SRSF3: variants seen among roughly 807,000 people sequenced by gnomAD.
SRSF3 encodes serine/arginine-rich splicing factor 3.
For synonymous variants in SRSF3, 87 were observed against 73.6 expected (o/e 1.18, Z -0.93); for missense variants, 58 against 217.1 (o/e 0.27, Z 4.61).
In SRSF3 at chr6:36,603,108, C is replaced by A. The variant is rs972850109; in HGVS notation, c.*1119C>A. 4.5e-6 allele frequency: 1 copy of A among 221,276 alleles called. No homozygotes were observed. The highest frequency in any genetic ancestry group is 1.8e-4 in the South Asian group (1 of 5,418). 13.7% of individuals were successfully genotyped at this position (221,276 alleles called of 1,614,324 possible). A position where few individuals can be genotyped will look rare whatever the true frequency, so the allele number is the denominator to read the frequency against. On this transcript the variant is annotated 3_prime_UTR_variant, in exon 6 of 6. Coordinates refer to ENST00000373715, the MANE Select transcript of SRSF3 (RefSeq NM_003017.5). ...TTTTTTTTAGGCATAGAAGCCAGTT[C>A]AGGGTCCATAATATTTAGTGACCAA...
At chr6:36,596,392 G>C (rs1313947271) in intron 1 of SRSF3, among the ~76,000 whole-genome samples, 1 of 151,978 alleles carries the variant, frequency 6.6e-6, no homozygotes, top group African/African-American at 2.4e-5. Flanking sequence ...ATTCTCTTCT[G>C]TTTTTCTAGA....
rs772997620 is a variant in SRSF3 at position 36,604,375 on chromosome 6, C to T, written c.*2386C>T. 2.1e-4 allele frequency: 40 copies of T among 187,940 alleles called. No homozygotes were observed. The highest frequency in any genetic ancestry group is 8.4e-4 in the African/African-American group (36 of 42,974). The allele number at this position is 187,940 out of a possible 1,614,324, so 11.6% of individuals were successfully genotyped here. ...TTCCTAGCACTTTGGGAGGCTAGGG[C>T]GGGTGGGAGGATCTCTTGAAGCCAG... On this transcript the variant is annotated 3_prime_UTR_variant, in exon 6 of 6. Coordinates refer to ENST00000373715, the MANE Select transcript of SRSF3 (RefSeq NM_003017.5).
chr6:36,596,644 T>C (rs56814071), intron 1 of SRSF3, 117 bp from the exon 2 acceptor site: 21,500 of 891,052 alleles, frequency 0.024, 329 homozygotes, highest in African/African-American at 0.04. Flanking sequence ...TAATTTTTTT[T>C]TCTTTACGTG....
rs778664310 is a variant in SRSF3 at position 36,601,201 on chromosome 6, A to C, written c.380+11A>C. The C allele has an allele frequency of 1.9e-6, 3 of 1,610,958 alleles. No individual in the cohort carries two copies. The highest frequency in any genetic ancestry group is 2.5e-6 in the Non-Finnish European group (3 of 1,179,208). ...TCGCAGCCGGAGCAGGTAAATGACT[A>C]CCTTTTTTGGCTACGTTCTTAGAAA... On this transcript the variant is annotated intron_variant, in intron 4 of 5. Coordinates refer to ENST00000373715, the MANE Select transcript of SRSF3 (RefSeq NM_003017.5).
intron 3 of SRSF3, 125 bp from the exon 4 acceptor site, chr6:36,601,027 G>A: frequency 2.9e-5 from 1 of 34,688 alleles, no homozygotes; most frequent in Non-Finnish European, 5.2e-5. Context: ...TTTTTTTTTT[G>A]GACGATGGGT....
chr6:36,597,137 G>A, intron 2 of SRSF3, 169 bp downstream of exon 2: 2 of 607,142 alleles, frequency 3.3e-6, no homozygotes, highest in Non-Finnish European at 2.7e-6. Flanking sequence ...GACGAGTCTT[G>A]CACTGTCACT....
Position 36,601,941 on chromosome 6 carries a change from T to G in SRSF3, c.468-21T>G, listed in dbSNP as rs1237111404. 7.3e-5 allele frequency: 14 copies of G among 192,438 alleles called. No homozygotes were observed. The South Asian group carries it at 7.5e-4, about 10-fold the overall frequency. 11.9% of individuals were successfully genotyped at this position (192,438 alleles called of 1,614,324 possible). A position where few individuals can be genotyped will look rare whatever the true frequency, so the allele number is the denominator to read the frequency against. ...GTTACAGATGTAATGTTTTGTTTTC[T>G]TTTTTTTTTTTTTTTTTTAGTCGAT... On this transcript the variant is annotated intron_variant, in intron 5 of 5. Coordinates refer to ENST00000373715, the MANE Select transcript of SRSF3 (RefSeq NM_003017.5).
chr6:36,599,835 C>T, intron 3 of SRSF3: 1 of 1,352,138 alleles, frequency 7.4e-7, no homozygotes, highest in East Asian at 4.5e-5. Flanking sequence ...ACCATCATGT[C>T]TCTTCTCACC....
At chr6:36,597,126 AG>A in intron 2 of SRSF3, 158 bp downstream of exon 2, 2 of 590,228 alleles carry the variant, frequency 3.4e-6, no homozygotes, top group Admixed American at 8.1e-5. Context: ...TTTGGTGGGG[AG>A]ACGAGTCTTG....
intron 4 of SRSF3, chr6:36,601,488 C>T (rs1405846875): frequency 5.2e-6 from 3 of 572,042 alleles, no homozygotes; most frequent in Non-Finnish European, 9.3e-6. Context: ...GCTTGGACTA[C>T]AGGCAAGTAC....
At chr6:36,595,546 C>T (rs73408323) in intron 1 of SRSF3, among the ~76,000 whole-genome samples, 4,028 of 152,286 alleles carry the variant, frequency 0.026, 62 homozygotes, top group African/African-American at 0.039. Flanking sequence ...ATCTTCCTGT[C>T]TCTCTGAACT....
chr6:36,597,543 C>G lies in SRSF3; in HGVS notation c.206+575C>G, dbSNP rs1164397365. On this transcript the variant is annotated intron_variant, in intron 2 of 5. Coordinates refer to ENST00000373715, the MANE Select transcript of SRSF3 (RefSeq NM_003017.5). ...AGAAAGTGAATCACTTACTATTTCC[C>G]TTTGTGTTAATAGTGTCCTGTTAGC... Among the ~76,000 whole-genome samples the G allele has an allele frequency of 1.3e-5, 2 of 152,028 alleles. 1 individual carries two copies. The highest frequency in any genetic ancestry group is 4.1e-4 in the South Asian group (2 of 4,834).
intron 3 of SRSF3, 66 bp downstream of exon 3, chr6:36,599,049 C>T (rs1778676910): frequency 3.8e-6 from 6 of 1,559,064 alleles, no homozygotes; most frequent in African/African-American, 1.4e-5. Context: ...GCAGGTATTT[C>T]TCTTAAGTTT....
rs182983565 is a variant in SRSF3 at position 36,603,196 on chromosome 6, G to C, written c.*1207G>C. 5.1e-4 allele frequency: 114 copies of C among 224,220 alleles called. No homozygotes were observed. The highest frequency in any genetic ancestry group is 1.7e-3 in the African/African-American group (77 of 44,952). The allele number at this position is 224,220 out of a possible 1,614,324, so 13.9% of individuals were successfully genotyped here. A position where few individuals can be genotyped will look rare whatever the true frequency, so the allele number is the denominator to read the frequency against. On this transcript the variant is annotated 3_prime_UTR_variant, in exon 6 of 6. Coordinates refer to ENST00000373715, the MANE Select transcript of SRSF3 (RefSeq NM_003017.5). ...AAAGTAAGTTGCCCATTAACAAATGGCTTTTATCTTTAGCATGAAAACTTT... is the reference window on the plus strand; with the variant it reads ...AAAGTAAGTTGCCCATTAACAAATGCCTTTTATCTTTAGCATGAAAACTTT...
intron 5 of SRSF3, 65 bp from the exon 6 acceptor site, chr6:36,601,897 G>A (rs1265345687): frequency 4.4e-6 from 7 of 1,573,148 alleles, no homozygotes; most frequent in African/African-American, 4.3e-5. Context: ...ATTTCGATAT[G>A]TCACTAAAGT....
At chr6:36,599,664 A>G (rs1214995477) in intron 3 of SRSF3, 1 of 521,038 alleles carries the variant, frequency 1.9e-6, no homozygotes, top group Admixed American at 2.6e-5. Flanking sequence ...GGAGTTCAAA[A>G]TCTTGCCCCT....
intron 3 of SRSF3, chr6:36,600,830 T>G: frequency 4.6e-6 from 1 of 219,192 alleles, no homozygotes. Flanking sequence ...TGGGACTATA[T>G]TTTGGTGTGG....
intron 3 of SRSF3, 135 bp downstream of exon 3, chr6:36,599,118 T>C: frequency 1.8e-6 from 2 of 1,110,906 alleles, no homozygotes; most frequent in Non-Finnish European, 2.5e-6. Context: ...TTGTTGGGTG[T>C]AATTTGGGGT....
intron 1 of SRSF3, among the ~76,000 whole-genome samples, chr6:36,595,881 C>T (rs1353679612): frequency 6.6e-6 from 1 of 152,060 alleles, no homozygotes; most frequent in East Asian, 1.9e-4. Context: ...TAGCCTTGTT[C>T]CTATAGTTCC....
Sources: allele counts gnomAD v4.1 joint callset (sites outside exome capture counted in the v4.1 genomes callset), GRCh38; gene constraint gnomAD v4.1.1; transcripts MANE v1.5; gene names NCBI Gene and HGNC (gene_info 2026-07-23, HGNC 2026-07-21).